ZBTB44: variants seen among roughly 807,000 people sequenced by gnomAD.
ZBTB44 encodes zinc finger and BTB domain containing 44.
In ZBTB44, 15 loss-of-function variants were observed where a neutral mutation model predicts 54.0. The ratio of observed to expected loss-of-function variants is 0.28; its 90% confidence interval spans 0.19 to 0.43. The LOEUF (loss-of-function observed/expected upper bound fraction) is 0.43, where lower values mean the gene tolerates loss of function less well. Ranked by LOEUF, ZBTB44 falls within the 20% of genes least tolerant of loss-of-function variation. The pLI, the probability that ZBTB44 is intolerant of heterozygous loss-of-function variation, is 1.00. For missense variants in ZBTB44, 487 were observed against 707.1 expected, an observed-to-expected ratio of 0.69 and a Z score of 3.53; for synonymous variants, 230 against 250.1, an observed-to-expected ratio of 0.92 and a Z score of 0.76.
chr11:130,307,559 A>G (rs1175848936), intron 1 of ZBTB44, among the ~76,000 whole-genome samples: 3 of 152,230 alleles, frequency 2.0e-5, no homozygotes, highest in African/African-American at 4.8e-5. Flanking sequence ...GCAAGGGGTC[A>G]GAAACTCCCG....
intron 1 of ZBTB44, among the ~76,000 whole-genome samples, chr11:130,298,574 T>C (rs1380354994): frequency 6.6e-6 from 1 of 151,082 alleles, no homozygotes; most frequent in Non-Finnish European, 1.5e-5. Context: ...GCGATTCTCC[T>C]GTCTCAGTCT....
intron 1 of ZBTB44, among the ~76,000 whole-genome samples, chr11:130,268,173 T>C (rs1939397193): frequency 6.8e-6 from 1 of 148,128 alleles, no homozygotes; most frequent in South Asian, 2.2e-4. Flanking sequence ...GCAGGAAGAC[T>C]ACTTGAGCCC....
chr11:130,234,794 C>T (rs1954033501), intron 5 of ZBTB44, among the ~76,000 whole-genome samples: 1 of 152,028 alleles, frequency 6.6e-6, no homozygotes, highest in Admixed American at 6.5e-5. Context: ...TATGTGTATC[C>T]TGCTATTACA....
chr11:130,246,479 C>T (rs1328292806), intron 2 of ZBTB44, among the ~76,000 whole-genome samples: 1 of 152,112 alleles, frequency 6.6e-6, no homozygotes, highest in Non-Finnish European at 1.5e-5. Context: ...CAGAGACAAT[C>T]AGCTTTATAT....
intron 1 of ZBTB44, among the ~76,000 whole-genome samples, chr11:130,277,936 C>T (rs1940226762): frequency 6.6e-6 from 1 of 152,132 alleles, no homozygotes; most frequent in Non-Finnish European, 1.5e-5. Flanking sequence ...TATGTTCTCC[C>T]AACGCCTTCT....
At chr11:130,262,950 A>T (rs1259084731) in intron 1 of ZBTB44, among the ~76,000 whole-genome samples, 2 of 152,196 alleles carry the variant, frequency 1.3e-5, no homozygotes, top group African/African-American at 2.4e-5. Flanking sequence ...AGTCCCAGCT[A>T]TTCGGGACGC....
At chr11:130,250,626 C>A (rs552147231) in intron 2 of ZBTB44, among the ~76,000 whole-genome samples, 61 of 152,302 alleles carry the variant, frequency 4.0e-4, no homozygotes, top group African/African-American at 1.5e-3. Context: ...GCTGGTGATA[C>A]CCAGGCTAAT....
At chr11:130,301,565 G>C (rs1480719249) in intron 1 of ZBTB44, among the ~76,000 whole-genome samples, 1 of 152,148 alleles carries the variant, frequency 6.6e-6, no homozygotes, top group East Asian at 1.9e-4. Flanking sequence ...TTGGGAGGCT[G>C]AGTTGGGAAG....
intron 1 of ZBTB44, among the ~76,000 whole-genome samples, chr11:130,305,395 G>C (rs1942211806): frequency 6.6e-6 from 1 of 152,126 alleles, no homozygotes; most frequent in East Asian, 1.9e-4. Context: ...CATGGTACTG[G>C]TATAAAAACA....
chr11:130,304,728 T>C (rs561248416), intron 1 of ZBTB44, among the ~76,000 whole-genome samples: 38 of 152,328 alleles, frequency 2.5e-4, no homozygotes, highest in Non-Finnish European at 1.2e-4. Flanking sequence ...AATATATTTT[T>C]AGTCAGTAAC....
At position 130,261,428 on chromosome 11, in the gene ZBTB44, G is replaced by A; in HGVS notation, c.446C>T (p.Ser149Phe). 2 of 1,614,004 alleles carry A rather than the reference G, an allele frequency of 1.2e-6. No homozygotes were observed. The highest frequency in any genetic ancestry group is 1.7e-6 in the Non-Finnish European group (2 of 1,179,896). ...ATCTCGAGAAGTAAAATTGCAGTTAGAATTATTTTCTTGTCCAGCATCTAG... is the reference window on the plus strand; with the variant it reads ...ATCTCGAGAAGTAAAATTGCAGTTAAAATTATTTTCTTGTCCAGCATCTAG... Reference protein sequence around the residue: ...KGLDAGQENNSNCNFTSRDGS... With the variant: ...KGLDAGQENNFNCNFTSRDGS... The change falls in exon 2 of 8, where the codon TCT (serine) becomes TTT (phenylalanine). Residue 149 changes from serine (S) to phenylalanine (F), a missense_variant. Ser to Phe is a radical substitution (Grantham distance 155). Transcript: ENST00000357899. The surrounding 1 kb of genome is among the most constrained non-coding windows in gnomAD (Gnocchi z 4.8).
At chr11:130,244,706 G>C (rs1245200987) in intron 2 of ZBTB44, among the ~76,000 whole-genome samples, 2 of 149,288 alleles carry the variant, frequency 1.3e-5, no homozygotes, top group African/African-American at 4.9e-5. Context: ...TGTACTAACT[G>C]TAACAGTTTG....
At chr11:130,272,945 T>C (rs893722257) in intron 1 of ZBTB44, among the ~76,000 whole-genome samples, 4 of 152,200 alleles carry the variant, frequency 2.6e-5, no homozygotes, top group African/African-American at 9.7e-5. Context: ...AATGCTTTAA[T>C]TACTGTTGTT....
At chr11:130,267,356 C>G (rs544048572) in intron 1 of ZBTB44, among the ~76,000 whole-genome samples, 1 of 152,116 alleles carries the variant, frequency 6.6e-6, no homozygotes, top group Admixed American at 6.5e-5. Flanking sequence ...CAAGGTAAAG[C>G]TGCAAGTACT....
chr11:130,294,503 A>G (rs1441664890), intron 1 of ZBTB44, among the ~76,000 whole-genome samples: 2 of 148,048 alleles, frequency 1.4e-5, no homozygotes, highest in African/African-American at 5.0e-5. Context: ...TAACTAAGTT[A>G]ACAAAACCAG....
At chr11:130,271,086 T>C (rs1191497118) in intron 1 of ZBTB44, among the ~76,000 whole-genome samples, 1 of 152,200 alleles carries the variant, frequency 6.6e-6, no homozygotes, top group African/African-American at 2.4e-5. Context: ...CTGTCCAGTA[T>C]TGCACATAAC....
At chr11:130,275,805 T>C (rs2134229291) in intron 1 of ZBTB44, among the ~76,000 whole-genome samples, 1 of 152,124 alleles carries the variant, frequency 6.6e-6, no homozygotes. Context: ...TTTTTGTATT[T>C]TTAGTAAAGA....
chr11:130,297,418 G>C (rs564642585), intron 1 of ZBTB44, among the ~76,000 whole-genome samples: 8 of 152,068 alleles, frequency 5.3e-5, no homozygotes, highest in Admixed American at 2.0e-4. Context: ...TGTGGCTTTC[G>C]CCAACTTACC....
intron 1 of ZBTB44, among the ~76,000 whole-genome samples, chr11:130,295,478 G>A (rs540610157): frequency 3.9e-5 from 6 of 152,238 alleles, no homozygotes; most frequent in African/African-American, 1.4e-4. Context: ...AGAAAGTGCC[G>A]AGACTCCTAA....
Sources: allele counts gnomAD v4.1 joint callset (sites outside exome capture counted in the v4.1 genomes callset), GRCh38; gene constraint gnomAD v4.1.1; non-coding constraint Gnocchi (gnomAD v3.1); transcripts MANE v1.5; gene names NCBI Gene and HGNC (gene_info 2026-07-23, HGNC 2026-07-21).